Variants in KCNQ1 observed in about 807,000 individuals in gnomAD.
The protein encoded by KCNQ1 is potassium voltage-gated channel subfamily Q member 1, also known as potassium voltage-gated channel subfamily KQT member 1.
In KCNQ1, 49 loss-of-function variants were observed where a neutral mutation model predicts 72.4. The ratio of observed to expected loss-of-function variants is 0.68; its 90% CI spans 0.54 to 0.86. The LOEUF (loss-of-function observed/expected upper bound fraction) is 0.86, where lower values mean the gene tolerates loss of function less well. Ranked by LOEUF, KCNQ1 falls within the 40% of genes least tolerant of loss-of-function variation. The pLI is 0.00. For missense variants in KCNQ1, 790 were observed against 945.1 expected (o/e 0.84, Z 2.15); for synonymous variants, 450 against 412.6 (o/e 1.09, Z -1.10).
At chr11:2,619,582 G>A (rs534567895) in intron 10 of KCNQ1, 31 of 398,414 alleles carry the variant, frequency 7.8e-5, no homozygotes, top group African/African-American at 5.7e-4. Flanking sequence ...TTTTATTAAG[G>A]ATTTTTGCAT....
chr11:2,792,841 G>C (rs1319914768), intron 15 of KCNQ1, among the ~76,000 whole-genome samples: 1 of 152,226 alleles, frequency 6.6e-6, no homozygotes, highest in Non-Finnish European at 1.5e-5. Flanking sequence ...GATTAGCCGA[G>C]TAAGGTGAGC....
chr11:2,842,157 A>G (rs557001297), intron 15 of KCNQ1, among the ~76,000 whole-genome samples: 1 of 152,322 alleles, frequency 6.6e-6, no homozygotes, highest in Admixed American at 6.5e-5. Context: ...ACTCACCCTC[A>G]GTGCCTGCCA....
intron 10 of KCNQ1, chr11:2,625,305 C>T: frequency 2.5e-6 from 1 of 398,586 alleles, no homozygotes; most frequent in Non-Finnish European, 4.4e-6. Context: ...GGCTGGAATG[C>T]AGTGGCATGA....
intron 6 of KCNQ1, among the ~76,000 whole-genome samples, chr11:2,573,881 G>A (rs934497670): frequency 6.6e-5 from 10 of 152,270 alleles, no homozygotes; most frequent in African/African-American, 2.2e-4. Flanking sequence ...TGCGCCCTCC[G>A]AGCTGCAGGC....
chr11:2,700,833 G>A (rs1416652988), intron 11 of KCNQ1, among the ~76,000 whole-genome samples: 1 of 145,610 alleles, frequency 6.9e-6, no homozygotes, highest in African/African-American at 2.5e-5. Context: ...CCCCTTGTCC[G>A]TCCCCTCCGC....
chr11:2,748,260 A>G lies in KCNQ1; in HGVS notation c.1515-20584A>G, dbSNP rs114963984. Among the ~76,000 whole-genome samples, 861 of 152,222 alleles carry G rather than the reference A, an allele frequency of 5.7e-3. 7 individuals are homozygous for G. The highest frequency in any genetic ancestry group is 0.02 in the African/African-American group (816 of 41,538). ...AGGGAGAAGCAAGTTCCCCTCAGGA[A>G]TGCTGGTGAAGCTGGCATGCCCCCA... On this transcript the variant is annotated intron_variant, in intron 11 of 15. Coordinates refer to ENST00000155840, the MANE Select transcript of KCNQ1 (RefSeq NM_000218.3). The surrounding 1 kb of genome is among the most constrained non-coding windows in gnomAD (Gnocchi z 6.2).
rs185201385 is a variant in KCNQ1 at position 2,785,545 on chromosome 11, C to T, written c.1794+7508C>T. On this transcript the variant is annotated intron_variant, in intron 15 of 15. Transcript: ENST00000155840. This position sits in a 1 kb window ranked among gnomAD's most constrained non-coding sequence, Gnocchi z 4.4. ...ATCCTTTTCTTTTTAATCCTACAAC[C>T]GTAGGATTTCAGGTTTGTCTTTTGT... 1.8e-4 allele frequency among the ~76,000 whole-genome samples: 28 copies of T among 151,702 alleles called. No homozygotes were observed. In the East Asian group the frequency reaches 4.5e-3, roughly 24 times the overall value.
chr11:2,447,663 T>A lies in KCNQ1; in HGVS notation c.386+2179T>A, dbSNP rs1433880998. Among the ~76,000 whole-genome samples, 1 of 152,068 alleles carries A rather than the reference T, an allele frequency of 6.6e-6. No individual in the cohort carries two copies. On this transcript the variant is annotated intron_variant, in intron 1 of 15. Transcript: ENST00000155840. This position sits in a 1 kb window ranked among gnomAD's most constrained non-coding sequence, Gnocchi z 7.6. ...GTCCAGCCTTGCGCCAGTCCAGCCT[T>A]GTGTTGCTGTAAGAAGTCTTGGCAA...
At chr11:2,576,419 C>T (rs1451103951) in intron 6 of KCNQ1, among the ~76,000 whole-genome samples, 4 of 152,176 alleles carry the variant, frequency 2.6e-5, no homozygotes, top group African/African-American at 4.8e-5. Flanking sequence ...GAACAAAATG[C>T]GTTTGTTTGT....
Position 2,446,172 on chromosome 11 carries a change from A to C in KCNQ1, c.386+688A>C, listed in dbSNP as rs959782010. Among the ~76,000 whole-genome samples the C allele has an allele frequency of 2.6e-5, 4 of 152,196 alleles. No individual in the cohort carries two copies. The highest frequency in any genetic ancestry group is 9.6e-5 in the African/African-American group (4 of 41,458). ...AGAGGCACCTGGCCCCCCTGTTACC[A>C]GGTGGTTCCAATTCCCGGTACAGCG... On this transcript the variant is annotated intron_variant, in intron 1 of 15. Coordinates refer to ENST00000155840, the MANE Select transcript of KCNQ1 (RefSeq NM_000218.3). This position sits in a 1 kb window ranked among gnomAD's most constrained non-coding sequence, Gnocchi z 8.8.
At chr11:2,619,797 G>GT (rs139199991) in intron 10 of KCNQ1, 4,365 of 398,078 alleles carry the variant, frequency 0.011, 92 homozygotes, top group South Asian at 0.051. Context: ...ATATTGGGTA[G>GT]TATTCAGTCA....
chr11:2,455,138 C>T (rs923559708), intron 1 of KCNQ1, among the ~76,000 whole-genome samples: 21 of 151,212 alleles, frequency 1.4e-4, no homozygotes, highest in Non-Finnish European at 2.7e-4. Flanking sequence ...CACTCTGTCA[C>T]CCAGGCTGGA....
intron 6 of KCNQ1, among the ~76,000 whole-genome samples, chr11:2,576,608 C>T (rs556478104): frequency 4.6e-5 from 7 of 152,356 alleles, no homozygotes; most frequent in Admixed American, 2.0e-4. Context: ...CTTTTGAAGT[C>T]GAGTCTGACT....
intron 15 of KCNQ1, among the ~76,000 whole-genome samples, chr11:2,786,675 T>TGTTAA (rs1430886405): frequency 6.6e-6 from 1 of 152,098 alleles, no homozygotes; most frequent in Non-Finnish European, 1.5e-5. Context: ...TTTAATCTGC[T>TGTTAA]GTTAAAACTG....
Position 2,612,554 on chromosome 11 carries a change from TTATTA to T in KCNQ1, c.1393+23705_1393+23709del, listed in dbSNP as rs1848998607. Reference sequence around the variant, plus strand: ...CGCACTAGTGAGTTTTTCACCTAAGTTATTATATTTCACAACTACAGAATTTCTAT... The same window carrying T: ...CGCACTAGTGAGTTTTTCACCTAAGTTATTTCACAACTACAGAATTTCTAT... On this transcript the variant is annotated intron_variant, in intron 10 of 15. Coordinates refer to ENST00000155840, the MANE Select transcript of KCNQ1 (RefSeq NM_000218.3). The surrounding 1 kb of genome is among the most constrained non-coding windows in gnomAD (Gnocchi z 5.5). The T allele has an allele frequency of 5.0e-6, 2 of 398,488 alleles. No homozygotes were observed. The highest frequency in any genetic ancestry group is 2.5e-4 in the South Asian group (2 of 7,860). The allele number at this position is 398,488 out of a possible 1,614,324, so 24.7% of individuals were successfully genotyped here. A position where few individuals can be genotyped will look rare whatever the true frequency, so the allele number is the denominator to read the frequency against.
At chr11:2,701,311 C>A (rs1245546359) in intron 11 of KCNQ1, among the ~76,000 whole-genome samples, 4 of 152,222 alleles carry the variant, frequency 2.6e-5, no homozygotes, top group African/African-American at 4.8e-5. Flanking sequence ...AGCAACGACG[C>A]CCAGATGAGT....
rs570342550 is a variant in KCNQ1 at position 2,584,608 on chromosome 11, T to C, written c.1033-604T>C. 7.8e-4 allele frequency among the ~76,000 whole-genome samples: 119 copies of C among 152,042 alleles called. 1 individual carries two copies. The highest frequency in any genetic ancestry group is 6.8e-3 in the Middle Eastern group (2 of 294). On this transcript the variant is annotated intron_variant, in intron 7 of 15. Transcript: ENST00000155840. Reference sequence around the variant, plus strand: ...GTGTTTGTGGGTTAGTGTGTGTTAGTGTGGGTTACTGTGTGTTAGTGTTTG... The same window carrying C: ...GTGTTTGTGGGTTAGTGTGTGTTAGCGTGGGTTACTGTGTGTTAGTGTTTG...
chr11:2,515,714 G>T lies in KCNQ1; in HGVS notation c.387-12214G>T, dbSNP rs1242675800. ...GGGGTCACTTCAGTTTGTCCTCCCGGCGCCTTCTAAATATACTCTCTGTGG... is the reference window on the plus strand; with the variant it reads ...GGGGTCACTTCAGTTTGTCCTCCCGTCGCCTTCTAAATATACTCTCTGTGG... On this transcript the variant is annotated intron_variant, in intron 1 of 15. Transcript: ENST00000155840. This position sits in a 1 kb window ranked among gnomAD's most constrained non-coding sequence, Gnocchi z 4.7. Among the ~76,000 whole-genome samples, 1 of 152,116 alleles carries T rather than the reference G, an allele frequency of 6.6e-6. No homozygotes were observed. Among genetic ancestry groups the T allele is most frequent in the Non-Finnish European group, 1.5e-5 (1 of 68,004 alleles).
chr11:2,510,040 T>A lies in KCNQ1; in HGVS notation c.387-17888T>A, dbSNP rs771627186. ...AATCCAGTACACTGGGAGGCCAAAGTGGGAGGATTGCTTGAGCCTAGGAGT... is the reference window on the plus strand; with the variant it reads ...AATCCAGTACACTGGGAGGCCAAAGAGGGAGGATTGCTTGAGCCTAGGAGT... On this transcript the variant is annotated intron_variant, in intron 1 of 15. Coordinates refer to ENST00000155840, the MANE Select transcript of KCNQ1 (RefSeq NM_000218.3). 4.5e-4 allele frequency among the ~76,000 whole-genome samples: 68 copies of A among 151,898 alleles called. 1 individual carries two copies. The highest frequency in any genetic ancestry group is 5.3e-4 in the Non-Finnish European group (36 of 67,964).
Sources: gnomAD v4.1 joint callset for allele counts (sites outside exome capture counted in the v4.1 genomes callset) on GRCh38, gnomAD v4.1.1 for gene constraint, Gnocchi (gnomAD v3.1) non-coding constraint, MANE v1.5 for transcripts, NCBI Gene and HGNC (gene_info 2026-07-23, HGNC 2026-07-21) for gene names.